The following NODAL variants were observed in gnomAD, a reference collection of about 807,000 sequenced individuals.
NODAL encodes the protein nodal homolog.
Under a neutral mutation model 34.0 loss-of-function variants are expected in NODAL, and 12 were observed. The observed-to-expected ratio is 0.35, with a 90% CI of 0.23 to 0.57. The LOEUF (loss-of-function observed/expected upper bound fraction) is 0.57. Ranked by LOEUF, NODAL falls within the 20% of genes least tolerant of loss-of-function variation. The pLI is 0.83. For missense variants in NODAL, 390 were observed against 444.2 expected (o/e 0.88, Z 1.10); for synonymous variants, 162 against 186.4 (o/e 0.87, Z 1.07).
chr10:70,446,964 C>T (rs1030846770), intron 1 of NODAL, among the ~76,000 whole-genome samples: 1 of 152,142 alleles, frequency 6.6e-6, no homozygotes, highest in African/African-American at 2.4e-5. Flanking sequence ...CTTTATCTCC[C>T]CCGGTAAACT....
upstream of NODAL, among the ~76,000 whole-genome samples, chr10:70,445,742 C>G (rs2132223191): frequency 6.6e-6 from 1 of 152,230 alleles, no homozygotes; most frequent in African/African-American, 2.4e-5. Flanking sequence ...TGGAAACAGC[C>G]AGTATGTGAA....
chr10:70,444,328 A>G (rs960234214), upstream of NODAL, among the ~76,000 whole-genome samples: 1 of 78,954 alleles, frequency 1.3e-5, no homozygotes. Context: ...CTCCAGTGAT[A>G]CTTTTTTTTT....
At chr10:70,436,189 C>A in intron 1 of NODAL, 1 of 612,802 alleles carries the variant, frequency 1.6e-6, no homozygotes, top group South Asian at 1.9e-5. Flanking sequence ...GTTAAAAGAT[C>A]TGACCAAGGT....
chr10:70,437,945 G>T (rs1845377394), intron 1 of NODAL, among the ~76,000 whole-genome samples: 1 of 152,110 alleles, frequency 6.6e-6, no homozygotes, highest in African/African-American at 2.4e-5. Flanking sequence ...ACATTACTCA[G>T]CACTCACTGC....
intron 1 of NODAL, among the ~76,000 whole-genome samples, chr10:70,440,718 C>G (rs997982265): frequency 1.2e-4 from 19 of 152,220 alleles, no homozygotes; most frequent in African/African-American, 4.3e-4. Flanking sequence ...CCCTGCCGTC[C>G]TTGACACCCA....
At chr10:70,440,960 A>G (rs1378533703) in intron 1 of NODAL, among the ~76,000 whole-genome samples, 1 of 152,226 alleles carries the variant, frequency 6.6e-6, no homozygotes, top group African/African-American at 2.4e-5. Context: ...AAAATCGCCA[A>G]GACCAAACCA....
chr10:70,440,554 C>T (rs571663587), intron 1 of NODAL, among the ~76,000 whole-genome samples: 12 of 152,220 alleles, frequency 7.9e-5, no homozygotes, highest in Admixed American at 3.9e-4. Flanking sequence ...GTCTGGCCCC[C>T]GCAGGCGGAG....
At chr10:70,433,785 A>C (rs1440418894) in intron 2 of NODAL, among the ~76,000 whole-genome samples, 2 of 152,226 alleles carry the variant, frequency 1.3e-5, no homozygotes, top group African/African-American at 4.8e-5. Context: ...CAGAATAGTT[A>C]GTCATGTGGA....
chr10:70,437,645 T>C (rs1263626878), intron 1 of NODAL, among the ~76,000 whole-genome samples: 1 of 152,202 alleles, frequency 6.6e-6, no homozygotes, highest in Non-Finnish European at 1.5e-5. Context: ...GTGAATAGAC[T>C]CTGGAGGTAG....
At chr10:70,436,558 CA>C (rs71472966) in intron 1 of NODAL, 27 of 96,846 alleles carry the variant, frequency 2.8e-4, no homozygotes, top group East Asian at 7.3e-4. Flanking sequence ...AACTCTGTCT[CA>C]AAAAAAAAAA....
chr10:70,447,937 C>T (rs757529632), exon 1 of NODAL: 1 of 471,130 alleles, frequency 2.1e-6, no homozygotes, highest in South Asian at 1.5e-5. Flanking sequence ...TAGTCTGTAT[C>T]CCCAACTGTT....
Position 70,435,278 on chromosome 10 carries a change from C to T in NODAL, c.891+8G>A, listed in dbSNP as rs1463056295. 6.2e-6 allele frequency: 10 copies of T among 1,603,066 alleles called. No individual in the cohort carries two copies. The highest frequency in any genetic ancestry group is 6.8e-6 in the Non-Finnish European group (8 of 1,174,522). ...TGCCTCCCCTCCCCCTCACGCCTGG[C>T]ATCCCACCTGGATGTATGCATGGTT... On this transcript the variant is annotated splice_region_variant and intron_variant, in intron 2 of 2. Transcript: ENST00000287139.
rs578096863 is a variant in NODAL, at chr10:70,432,094, G to A, written c.*842C>T. On this transcript the variant is annotated 3_prime_UTR_variant, in exon 3 of 3. Coordinates refer to ENST00000287139, the MANE Select transcript of NODAL (RefSeq NM_018055.5). ...GCTGTGACCATAGAGCAAGTATCTT[G>A]CCACCCAGGGCAAGGCCTTCACCAC... Among the ~76,000 whole-genome samples, 1 of 152,228 alleles carries A rather than the reference G, an allele frequency of 6.6e-6. No homozygotes were observed. Among genetic ancestry groups the A allele is most frequent in the Non-Finnish European group, 1.5e-5 (1 of 68,036 alleles).
At position 70,447,326 on chromosome 10, in the gene NODAL, G is replaced by A. The variant is rs140959662; in HGVS notation, c.28+598C>T. On this transcript the variant is annotated intron_variant, in intron 1 of 2. Coordinates refer to the NODAL transcript ENST00000414871. ...CAACCTCAGATGATCCATCCACCTC[G>A]GCCTCCCAGAGTGCTGGGATTACAG... 8.3e-3 allele frequency among the ~76,000 whole-genome samples: 1,267 copies of A among 151,848 alleles called. 15 individuals are homozygous for A. Among genetic ancestry groups the A allele is most frequent in the African/African-American group, 0.028 (1,140 of 41,446 alleles).
chr10:70,439,614 C>T (rs1213172817), intron 1 of NODAL, among the ~76,000 whole-genome samples: 1 of 152,216 alleles, frequency 6.6e-6, no homozygotes, highest in Non-Finnish European at 1.5e-5. Flanking sequence ...CTCCAACATC[C>T]CTTTCATGCA....
At chr10:70,445,458 C>T (rs1007761181), upstream of NODAL, among the ~76,000 whole-genome samples, 5 of 152,060 alleles carry the variant, frequency 3.3e-5, no homozygotes, top group African/African-American at 9.7e-5. Flanking sequence ...TGGGGTTTCA[C>T]CGTGTTAGCC....
At chr10:70,442,085 T>C (rs1173067665), upstream of NODAL, among the ~76,000 whole-genome samples, 2 of 152,154 alleles carry the variant, frequency 1.3e-5, no homozygotes, top group East Asian at 3.8e-4. Flanking sequence ...CGCAGGCTCC[T>C]CAAGAAGCAG....
In NODAL at chr10:70,432,759, C is replaced by T. The variant is rs1163337809; in HGVS notation, c.*177G>A. On this transcript the variant is annotated 3_prime_UTR_variant, in exon 3 of 3. Coordinates refer to ENST00000287139, the MANE Select transcript of NODAL (RefSeq NM_018055.5). ...CCTGACAGCAGCCTCTGTGCTTGGC[C>T]AGACTCCACTGAGCCCTTCATTTAC... The T allele has an allele frequency of 2.8e-6, 2 of 703,508 alleles. No homozygotes were observed. The highest frequency in any genetic ancestry group is 5.5e-5 in the East Asian group (2 of 36,430). The allele number at this position is 703,508 out of a possible 1,614,324, so 43.6% of individuals were successfully genotyped here.
rs1845345556 is a variant in NODAL, at chr10:70,435,840, T to C, written c.337A>G (p.Ile113Val). The change falls in exon 2 of 3, where the codon ATT becomes GTT. Residue 113 changes from isoleucine (I) to valine (V), a missense_variant. By Grantham distance (29) the Ile-to-Val change is conservative. Transcript: ENST00000287139. ...LPTEGSLAIE[I>V]FHQPKPDTEQ... ...GTGTCGGGCTTTGGCTGGTGGAAAA[T>C]CTCAATGGCAAGTGAGCCCTCAGTG... 1 of 1,613,898 alleles carries C rather than the reference T, an allele frequency of 6.2e-7. No homozygotes were observed. Among genetic ancestry groups the C allele is most frequent in the Admixed American group, 1.7e-5 (1 of 60,002 alleles).
Sources: allele counts gnomAD v4.1 joint callset (sites outside exome capture counted in the v4.1 genomes callset), GRCh38; gene constraint gnomAD v4.1.1; transcripts MANE v1.5; gene names NCBI Gene and HGNC (gene_info 2026-07-23, HGNC 2026-07-21).